Variants in NFIA observed in about 807,000 individuals in gnomAD.
NFIA encodes nuclear factor 1 A-type.
NFIA carries 8 observed loss-of-function variants against 62.8 expected under a neutral mutation model. That is an observed-to-expected ratio of 0.13 (90% confidence interval 0.07 to 0.23). The LOEUF (loss-of-function observed/expected upper bound fraction) is 0.23. Among genes scored for constraint, NFIA ranks in the 10% least tolerant of loss-of-function variants. The pLI is 1.00. For synonymous variants in NFIA, 235 were observed against 238.1 expected (o/e 0.99, Z 0.12); for missense variants, 410 against 642.1 (o/e 0.64, Z 3.91).
intron 2 of NFIA, among the ~76,000 whole-genome samples, chr1:61,137,360 G>A (rs1418050265): frequency 1.3e-5 from 2 of 152,168 alleles, no homozygotes; most frequent in Admixed American, 1.3e-4. Flanking sequence ...TACGTGAATT[G>A]CATTTTAGCA....
chr1:61,436,515 C>T (rs893255968), intron 10 of NFIA, among the ~76,000 whole-genome samples: 1 of 152,136 alleles, frequency 6.6e-6, no homozygotes, highest in African/African-American at 2.4e-5. Context: ...CTAGGCTTTC[C>T]CAGGGCTTCT....
chr1:61,215,748 A>G (rs1326375425), intron 2 of NFIA, among the ~76,000 whole-genome samples: 9 of 152,218 alleles, frequency 5.9e-5, no homozygotes, highest in African/African-American at 2.2e-4. Context: ...CTACAAAGGA[A>G]TTGTTTATTA....
In NFIA at chr1:61,139,452, A is replaced by G. The variant is rs150492702; in HGVS notation, c.559+50772A>G. Among the ~76,000 whole-genome samples, 1,187 of 152,274 alleles carry G rather than the reference A, an allele frequency of 7.8e-3. 18 individuals are homozygous for G. Among genetic ancestry groups the G allele is most frequent in the African/African-American group, 0.027 (1,104 of 41,554 alleles). ...CCGACTCTTAATCCAGGTTGGTGCT[A>G]TTCAAAGAGATCATCTTTCACCCGA... is the stretch of plus-strand genomic sequence containing the variant. On this transcript the variant is annotated intron_variant, in intron 2 of 10. Transcript: ENST00000403491.
Position 61,455,599 on chromosome 1 carries a change from T to C in NFIA, c.*279T>C, listed in dbSNP as rs1668266907. 1.9e-6 allele frequency: 1 copy of C among 515,592 alleles called. No individual in the cohort carries two copies. Among genetic ancestry groups the C allele is most frequent in the African/African-American group, 2.0e-5 (1 of 50,824 alleles). The allele number at this position is 515,592 out of a possible 1,614,324, so 31.9% of individuals were successfully genotyped here. On this transcript the variant is annotated 3_prime_UTR_variant, in exon 11 of 11. Transcript: ENST00000403491. ...GTTGGGCTTTGTAACATTTGAAGTGTTTCCATGGTAGCGTGAGCATTAGGT... is the reference window on the plus strand; with the variant it reads ...GTTGGGCTTTGTAACATTTGAAGTGCTTCCATGGTAGCGTGAGCATTAGGT...
chr1:61,439,597 TC>T (rs1417680323), intron 10 of NFIA: 1 of 152,178 alleles, frequency 6.6e-6, no homozygotes, highest in Non-Finnish European at 1.5e-5. Context: ...ACGGAATGCC[TC>T]CCATCAATAC....
chr1:61,141,672 T>G (rs1306396864), intron 2 of NFIA, among the ~76,000 whole-genome samples: 7 of 152,230 alleles, frequency 4.6e-5, no homozygotes, highest in Admixed American at 1.3e-4. Flanking sequence ...GCACATTGAC[T>G]TTCTATATGA....
At chr1:61,347,603 A>C (rs1662310135) in intron 4 of NFIA, among the ~76,000 whole-genome samples, 1 of 152,174 alleles carries the variant, frequency 6.6e-6, no homozygotes, top group South Asian at 2.1e-4. Flanking sequence ...TCTTCCTGGA[A>C]TCAAACCTTT....
rs116343976 is a variant in NFIA at position 61,143,178 on chromosome 1, C to T, written c.559+54498C>T. On this transcript the variant is annotated intron_variant, in intron 2 of 10. Coordinates refer to ENST00000403491, the MANE Select transcript of NFIA (RefSeq NM_001134673.4). ...TTTTTGTTTTTAACCTATTAGTCAG[C>T]GTGGCATCAGAGAACCACATGTGCC... Among the ~76,000 whole-genome samples, 798 of 152,176 alleles carry T rather than the reference C, an allele frequency of 5.2e-3. 2 individuals carry two copies. Among genetic ancestry groups the T allele is most frequent in the Middle Eastern group, 0.02 (6 of 294 alleles).
At chr1:61,390,174 G>A (rs991098618) in intron 7 of NFIA, among the ~76,000 whole-genome samples, 1 of 152,194 alleles carries the variant, frequency 6.6e-6, no homozygotes, top group African/African-American at 2.4e-5. Context: ...CAGACACACA[G>A]GAGACCCAAC....
chr1:61,372,981 G>T (rs765845722), intron 6 of NFIA, among the ~76,000 whole-genome samples: 5 of 152,238 alleles, frequency 3.3e-5, no homozygotes, highest in Admixed American at 6.5e-5. Context: ...GGAATGTATT[G>T]CCCTCTTCCA....
intron 3 of NFIA, among the ~76,000 whole-genome samples, chr1:61,306,294 T>TTTTTTTTTTTA (rs748026405): frequency 4.6e-5 from 5 of 109,746 alleles, no homozygotes; most frequent in Non-Finnish European, 7.4e-5. Context: ...TTTTTTTTTT[T>TTTTTTTTTTTA]AAGACAGAGT....
intron 3 of NFIA, among the ~76,000 whole-genome samples, chr1:61,295,556 G>C (rs1383556440): frequency 6.6e-6 from 1 of 152,112 alleles, no homozygotes; most frequent in Admixed American, 6.5e-5. Flanking sequence ...GCAAGTGCAA[G>C]GGTGGGAGAG....
Position 61,317,250 on chromosome 1 carries a change from A to G in NFIA, c.626-15262A>G, listed in dbSNP as rs140304732. Reference sequence around the variant, plus strand: ...CTGTACATTATTTATGAAAAAGTAGATAAAACTTGATCTCCTGCAAGTAAG... The same window carrying G: ...CTGTACATTATTTATGAAAAAGTAGGTAAAACTTGATCTCCTGCAAGTAAG... On this transcript the variant is annotated intron_variant, in intron 3 of 10. Transcript: ENST00000403491. Among the ~76,000 whole-genome samples, 98 of 152,258 alleles carry G rather than the reference A, an allele frequency of 6.4e-4. 2 individuals are homozygous for G. In the East Asian group the frequency reaches 0.014, roughly 22 times the overall value.
intron 6 of NFIA, among the ~76,000 whole-genome samples, chr1:61,382,056 A>G (rs905294280): frequency 6.6e-6 from 1 of 152,216 alleles, no homozygotes; most frequent in Non-Finnish European, 1.5e-5. Flanking sequence ...AACATGTATA[A>G]GTAAAATGGA....
chr1:61,307,879 C>T (rs1358863971), intron 3 of NFIA, among the ~76,000 whole-genome samples: 1 of 152,174 alleles, frequency 6.6e-6, no homozygotes, highest in East Asian at 1.9e-4. Flanking sequence ...AAAATACAGG[C>T]TGTCTTGTCT....
At chr1:61,453,733 G>A (rs371887641) in intron 10 of NFIA, among the ~76,000 whole-genome samples, 13 of 152,256 alleles carry the variant, frequency 8.5e-5, no homozygotes, top group African/African-American at 2.9e-4. Flanking sequence ...CGGCTCTAAC[G>A]TGGATGAGAG....
chr1:61,097,626 T>C (rs1410551618), intron 2 of NFIA, among the ~76,000 whole-genome samples: 2 of 152,146 alleles, frequency 1.3e-5, no homozygotes, highest in Non-Finnish European at 2.9e-5. Flanking sequence ...AGTGTTACAT[T>C]ACCCATCTTC....
At position 61,257,329 on chromosome 1, in the gene NFIA, G is replaced by GTTT. The variant is rs67912567; in HGVS notation, c.560-20167_560-20165dup. On this transcript the variant is annotated intron_variant, in intron 2 of 10. Coordinates refer to ENST00000403491, the MANE Select transcript of NFIA (RefSeq NM_001134673.4). Reference sequence around the variant, plus strand: ...TGTTTTTTATATTTTTTACTGCGTTGTTTTTTTTTTTTTTTTTTTTTTTTT... The same window carrying GTTT: ...TGTTTTTTATATTTTTTACTGCGTTGTTTTTTTTTTTTTTTTTTTTTTTTTTTT... Among the ~76,000 whole-genome samples the GTTT allele has an allele frequency of 2.6e-3, 140 of 54,730 alleles. 28 individuals are homozygous for GTTT. In the East Asian group the frequency reaches 0.049, roughly 19 times the overall value. The allele number at this position is 54,730 out of a possible 152,430, so 35.9% of individuals were successfully genotyped here.
intron 2 of NFIA, among the ~76,000 whole-genome samples, chr1:61,133,931 T>C (rs940706238): frequency 6.6e-6 from 1 of 152,056 alleles, no homozygotes; most frequent in Non-Finnish European, 1.5e-5. Flanking sequence ...CAGACCAGCC[T>C]GGCCAACATG....
Sources: allele counts gnomAD v4.1 joint callset (sites outside exome capture counted in the v4.1 genomes callset), GRCh38; gene constraint gnomAD v4.1.1; transcripts MANE v1.5; gene names NCBI Gene and HGNC (gene_info 2026-07-23, HGNC 2026-07-21).